The following USP34 variants were observed in gnomAD, a reference collection of about 807,000 sequenced individuals.
The protein encoded by USP34 is ubiquitin specific peptidase 34, also known as ubiquitin carboxyl-terminal hydrolase 34.
Under a neutral mutation model 460.3 loss-of-function variants are expected in USP34, and 70 were observed. That is an observed-to-expected ratio of 0.15 (90% CI 0.13 to 0.19). The LOEUF (loss-of-function observed/expected upper bound fraction) is 0.19, where lower values mean the gene tolerates loss of function less well. Ranked by LOEUF, USP34 falls within the 10% of genes least tolerant of loss-of-function variation. The probability of loss-of-function intolerance (pLI) is 1.00; values close to 1 mark genes in which losing one functional copy is unlikely to be tolerated. For missense variants in USP34, 3,985 were observed against 4,236.2 expected (o/e 0.94, Z 1.65); for synonymous variants, 1,647 against 1,405.3 (o/e 1.17, Z -3.85).
intron 10 of USP34, among the ~76,000 whole-genome samples, chr2:61,361,444 G>A (rs1225995874): frequency 1.3e-5 from 2 of 152,024 alleles, no homozygotes; most frequent in Non-Finnish European, 2.9e-5. Flanking sequence ...ATTATATATG[G>A]CACTGGCATA....
chr2:61,234,952 A>T (rs1241016987), intron 57 of USP34, among the ~76,000 whole-genome samples: 1 of 152,128 alleles, frequency 6.6e-6, no homozygotes, highest in African/African-American at 2.4e-5. Context: ...TTCTGTTTTA[A>T]ATAAATTCTG....
chr2:61,222,809 G>A (rs1247991515), intron 64 of USP34, 146 bp from the exon 65 acceptor site: 5 of 766,468 alleles, frequency 6.5e-6, no homozygotes, highest in Non-Finnish European at 6.4e-6. Flanking sequence ...CGATCCTCCT[G>A]CCTCAGCCTC....
chr2:61,458,848 G>A (rs1314621395), intron 1 of USP34, among the ~76,000 whole-genome samples: 1 of 151,786 alleles, frequency 6.6e-6, no homozygotes, highest in Admixed American at 6.6e-5. Context: ...CAGGTGGATG[G>A]TGAGGTCAGG....
At chr2:61,315,978 C>T (rs1048975651) in intron 23 of USP34, among the ~76,000 whole-genome samples, 1 of 149,360 alleles carries the variant, frequency 6.7e-6, no homozygotes, top group East Asian at 2.0e-4. Context: ...GGCAGGCAGA[C>T]TGCCTGAGCT....
At chr2:61,221,432 G>T in intron 66 of USP34, 70 bp downstream of exon 66, 1 of 1,359,586 alleles carries the variant, frequency 7.4e-7, no homozygotes, top group Non-Finnish European at 1.0e-6. Flanking sequence ...ACTTAAAATG[G>T]TAGTGACTAT....
At chr2:61,201,814 A>G (rs773372986) in intron 75 of USP34, among the ~76,000 whole-genome samples, 2 of 152,230 alleles carry the variant, frequency 1.3e-5, no homozygotes, top group Non-Finnish European at 2.9e-5. Flanking sequence ...TATGAACACA[A>G]TTACCAAAAA....
chr2:61,188,755 A>C (rs1343590090), intron 79 of USP34, 46 bp from the exon 80 acceptor site: 2 of 1,594,314 alleles, frequency 1.3e-6, no homozygotes, highest in Non-Finnish European at 1.7e-6. Context: ...AAAGTCATTA[A>C]GATCACGTTA....
intron 2 of USP34, among the ~76,000 whole-genome samples, chr2:61,420,537 C>CAAAG (rs1198766349): frequency 1.3e-5 from 2 of 151,948 alleles, no homozygotes; most frequent in Non-Finnish European, 2.9e-5. Context: ...AAGCAGGGGT[C>CAAAG]AAAGAAAGAA....
At chr2:61,431,527 T>G (rs1329681185) in intron 1 of USP34, among the ~76,000 whole-genome samples, 1 of 152,186 alleles carries the variant, frequency 6.6e-6, no homozygotes, top group Admixed American at 6.5e-5. Context: ...GATCCTGGCT[T>G]TAGGATTACT....
At chr2:61,314,792 T>C in intron 24 of USP34, 48 bp from the exon 25 acceptor site, 2 of 1,581,772 alleles carry the variant, frequency 1.3e-6, no homozygotes, top group South Asian at 1.2e-5. Context: ...TATTCTTGTT[T>C]AGCTATATCA....
At chr2:61,274,062 T>C (rs981314882) in intron 41 of USP34, among the ~76,000 whole-genome samples, 3 of 151,348 alleles carry the variant, frequency 2.0e-5, no homozygotes, top group African/African-American at 7.3e-5. Flanking sequence ...AAAAGATCAA[T>C]ACACCTGACT....
At chr2:61,196,577 G>T (rs1173888348) in intron 75 of USP34, among the ~76,000 whole-genome samples, 1 of 151,442 alleles carries the variant, frequency 6.6e-6, no homozygotes, top group Non-Finnish European at 1.5e-5. Flanking sequence ...GTTGCCCAAA[G>T]CATGTTGCAG....
intron 16 of USP34, among the ~76,000 whole-genome samples, chr2:61,341,951 C>T (rs190842363): frequency 7.9e-5 from 12 of 151,606 alleles, no homozygotes; most frequent in Admixed American, 5.9e-4. Context: ...TTAGTACCAA[C>T]GGGGTTTCAC....
chr2:61,391,570 G>C (rs1693347682), intron 5 of USP34, among the ~76,000 whole-genome samples: 1 of 151,996 alleles, frequency 6.6e-6, no homozygotes. Context: ...GTTAAATATA[G>C]TTCTACTCAT....
At chr2:61,217,173 G>C (rs73932694) in intron 67 of USP34, among the ~76,000 whole-genome samples, 3,689 of 152,158 alleles carry the variant, frequency 0.024, 169 homozygotes, top group African/African-American at 0.085. Flanking sequence ...TTTAAATTAT[G>C]TTTTTCTTTA....
At chr2:61,341,634 T>A (rs1251727955) in intron 16 of USP34, among the ~76,000 whole-genome samples, 1 of 152,080 alleles carries the variant, frequency 6.6e-6, no homozygotes, top group African/African-American at 2.4e-5. Flanking sequence ...CTACCATGAT[T>A]GTAAGCTTCC....
intron 1 of USP34, among the ~76,000 whole-genome samples, chr2:61,431,551 T>A (rs1366172699): frequency 6.6e-6 from 1 of 152,184 alleles, no homozygotes; most frequent in East Asian, 1.9e-4. Context: ...GTTAATAATC[T>A]GACATTTTAG....
At chr2:61,262,954 A>C (rs1249935311) in intron 43 of USP34, among the ~76,000 whole-genome samples, 1 of 151,552 alleles carries the variant, frequency 6.6e-6, no homozygotes, top group Non-Finnish European at 1.5e-5. Context: ...GCATTTTTTC[A>C]TATGCTTATT....
At chr2:61,459,818 G>A (rs546013931) in intron 1 of USP34, among the ~76,000 whole-genome samples, 4 of 149,716 alleles carry the variant, frequency 2.7e-5, no homozygotes, top group Non-Finnish European at 4.4e-5. Context: ...GTAGCACTTT[G>A]GGAGGCCAAG....
Sources: allele counts gnomAD v4.1 joint callset (sites outside exome capture counted in the v4.1 genomes callset), GRCh38; gene constraint gnomAD v4.1.1; transcripts MANE v1.5; gene names NCBI Gene and HGNC (gene_info 2026-07-23, HGNC 2026-07-21).